The following PLCB1 variants were observed in gnomAD, a reference collection of about 807,000 sequenced individuals.
PLCB1 encodes phospholipase C beta 1, also known as 1-phosphatidylinositol 4,5-bisphosphate phosphodiesterase beta-1.
In PLCB1, 46 loss-of-function variants were observed where a neutral mutation model predicts 161.8. The ratio of observed to expected loss-of-function variants is 0.28; its 90% confidence interval spans 0.22 to 0.36. The LOEUF is 0.36. Among genes scored for constraint, PLCB1 ranks in the 10% least tolerant of loss-of-function variants. The probability of loss-of-function intolerance (pLI) is 1.00; values close to 1 mark genes in which losing one functional copy is unlikely to be tolerated. For synonymous variants in PLCB1, 517 were observed against 503.7 expected, an observed-to-expected ratio of 1.03 and a Z score of -0.35; for missense variants, 1,016 against 1,472.5, an observed-to-expected ratio of 0.69 and a Z score of 5.07.
intron 2 of PLCB1, among the ~76,000 whole-genome samples, chr20:8,224,053 C>T (rs886546389): frequency 3.3e-5 from 5 of 152,094 alleles, no homozygotes; most frequent in South Asian, 2.1e-4. Context: ...AAACAGAAAC[C>T]ACATTTTAAA....
At chr20:8,304,620 C>G (rs1984047952) in intron 2 of PLCB1, among the ~76,000 whole-genome samples, 1 of 150,592 alleles carries the variant, frequency 6.6e-6, no homozygotes, top group African/African-American at 2.5e-5. Context: ...CTTTTCCTAT[C>G]TTCTTTGAGA....
At chr20:8,468,550 A>G (rs987146670) in intron 3 of PLCB1, among the ~76,000 whole-genome samples, 2 of 152,164 alleles carry the variant, frequency 1.3e-5, no homozygotes, top group African/African-American at 4.8e-5. Context: ...TAAGTCACTT[A>G]CCATCATACC....
intron 31 of PLCB1, among the ~76,000 whole-genome samples, chr20:8,835,068 A>G (rs1986228642): frequency 6.6e-6 from 1 of 152,196 alleles, no homozygotes; most frequent in Admixed American, 6.5e-5. Flanking sequence ...ATAATGATTG[A>G]CCAAATATCT....
chr20:8,426,038 T>C (rs1979755191), intron 3 of PLCB1, among the ~76,000 whole-genome samples: 1 of 152,182 alleles, frequency 6.6e-6, no homozygotes, highest in Non-Finnish European at 1.5e-5. Flanking sequence ...CTGGCACATA[T>C]GTCAGCAGAG....
At chr20:8,525,351 T>G (rs746931241) in intron 3 of PLCB1, among the ~76,000 whole-genome samples, 4 of 152,162 alleles carry the variant, frequency 2.6e-5, no homozygotes, top group Admixed American at 6.6e-5. Context: ...ATTAAGGATT[T>G]AGAAGCATTT....
chr20:8,209,277 A>G (rs141542699), intron 2 of PLCB1, among the ~76,000 whole-genome samples: 2 of 152,248 alleles, frequency 1.3e-5, no homozygotes, highest in East Asian at 3.9e-4. Flanking sequence ...AATTGTAGAA[A>G]AACTGAACAG....
At chr20:8,735,305 T>C (rs1980521637) in intron 19 of PLCB1, among the ~76,000 whole-genome samples, 1 of 152,316 alleles carries the variant, frequency 6.6e-6, no homozygotes, top group South Asian at 2.1e-4. Flanking sequence ...TATAAAACAA[T>C]GACACAGAGG....
At chr20:8,282,938 C>T (rs111674448) in intron 2 of PLCB1, among the ~76,000 whole-genome samples, 1 of 152,132 alleles carries the variant, frequency 6.6e-6, no homozygotes, top group Non-Finnish European at 1.5e-5. Context: ...TATTTCTACT[C>T]TGAGATAATT....
intron 3 of PLCB1, among the ~76,000 whole-genome samples, chr20:8,596,986 C>A (rs1328676335): frequency 6.6e-6 from 1 of 150,694 alleles, no homozygotes. Context: ...TGCTTATCAG[C>A]TTAAGGAGAT....
chr20:8,276,074 A>T (rs563680424), intron 2 of PLCB1, among the ~76,000 whole-genome samples: 1 of 152,272 alleles, frequency 6.6e-6, no homozygotes, highest in Admixed American at 6.5e-5. Context: ...GATAAGATGC[A>T]CTGTCAAGAT....
intron 3 of PLCB1, among the ~76,000 whole-genome samples, chr20:8,549,479 T>C (rs888360908): frequency 1.3e-5 from 2 of 152,176 alleles, no homozygotes; most frequent in Non-Finnish European, 2.9e-5. Flanking sequence ...AATCTCACCT[T>C]GAATTGTAAT....
At chr20:8,478,693 T>C (rs1022539584) in intron 3 of PLCB1, among the ~76,000 whole-genome samples, 1 of 152,168 alleles carries the variant, frequency 6.6e-6, no homozygotes, top group African/African-American at 2.4e-5. Context: ...ATATTTTAAA[T>C]AGTTAAAATT....
chr20:8,800,499 A>G (rs759293504), intron 31 of PLCB1, among the ~76,000 whole-genome samples: 8 of 152,182 alleles, frequency 5.3e-5, no homozygotes, highest in Admixed American at 1.3e-4. Context: ...ACAACTTTAT[A>G]CAATTGGAGA....
chr20:8,628,458 T>G (rs376925259), intron 4 of PLCB1, 27 bp downstream of exon 4: 106 of 1,612,366 alleles, frequency 6.6e-5, no homozygotes, highest in Admixed American at 3.2e-4. Context: ...TTGCTAAAGC[T>G]TATCATCATG....
At position 8,722,392 on chromosome 20, in the gene PLCB1, G is replaced by A; in HGVS notation, c.1552G>A (p.Asp518Asn). The change falls in exon 15 of 32, where the codon GAT becomes AAT. Residue 518 changes from aspartate (D) to asparagine (N), a missense_variant. Physicochemically the swap from Asp to Asn is conservative, Grantham distance 23 (BLOSUM62 1). Coordinates refer to ENST00000338037, the MANE Select transcript of PLCB1 (RefSeq NM_015192.4). The part of the protein sequence containing the change: ...DTESDDDDDD[D>N]DCKKSSMDEG... ...GGAAAGTGACGACGACGATGATGATGATGACTGTAAAAAATCTTCAATGGA... is the reference window on the plus strand; with the variant it reads ...GGAAAGTGACGACGACGATGATGATAATGACTGTAAAAAATCTTCAATGGA... The A allele has an allele frequency of 6.2e-7, 1 of 1,611,166 alleles. No homozygotes were observed. The highest frequency in any genetic ancestry group is 8.5e-7 in the Non-Finnish European group (1 of 1,178,908).
At chr20:8,773,946 C>T (rs1049582423) in intron 26 of PLCB1, among the ~76,000 whole-genome samples, 21 of 148,690 alleles carry the variant, frequency 1.4e-4, no homozygotes, top group Non-Finnish European at 2.4e-4. Flanking sequence ...TGCACTCCAG[C>T]TTGGGCAACA....
intron 2 of PLCB1, among the ~76,000 whole-genome samples, chr20:8,262,854 G>A (rs926536059): frequency 2.7e-5 from 4 of 150,908 alleles, no homozygotes; most frequent in Non-Finnish European, 5.9e-5. Flanking sequence ...GTGTATGAGG[G>A]AGAAAGAGAA....
chr20:8,660,430 A>G (rs1989590665), intron 9 of PLCB1, among the ~76,000 whole-genome samples: 1 of 152,146 alleles, frequency 6.6e-6, no homozygotes, highest in African/African-American at 2.4e-5. Flanking sequence ...CAGTTAGCCC[A>G]CGACACTAGG....
At chr20:8,409,443 T>TA (rs59927049) in intron 3 of PLCB1, among the ~76,000 whole-genome samples, 20,706 of 146,592 alleles carry the variant, frequency 0.14, 1,690 homozygotes, top group East Asian at 0.32. Flanking sequence ...TGTATATTAT[T>TA]TTTATTATTA....
Sources: allele counts gnomAD v4.1 joint callset (sites outside exome capture counted in the v4.1 genomes callset), GRCh38; gene constraint gnomAD v4.1.1; transcripts MANE v1.5; gene names NCBI Gene and HGNC (gene_info 2026-07-23, HGNC 2026-07-21).